Variants in GRM6 observed in about 807,000 individuals in gnomAD.
The protein encoded by GRM6 is glutamate metabotropic receptor 6, also known as metabotropic glutamate receptor 6.
Under a neutral mutation model 78.4 loss-of-function variants are expected in GRM6, and 73 were observed. The ratio of observed to expected loss-of-function variants is 0.93; its 90% CI spans 0.77 to 1.13. The LOEUF (loss-of-function observed/expected upper bound fraction) is 1.13, where lower values mean the gene tolerates loss of function less well. Among genes scored for constraint, GRM6 ranks in the 50% most tolerant of loss-of-function variants. The pLI is 0.00. For missense variants in GRM6, 1,251 were observed against 1,256.4 expected (o/e 1.00, Z 0.07); for synonymous variants, 580 against 555.0 (o/e 1.05, Z -0.63).
At chr5:178,985,905 G>A (rs1760530621) in intron 9 of GRM6, 1 of 580,222 alleles carries the variant, frequency 1.7e-6, no homozygotes, top group Non-Finnish European at 3.1e-6. Flanking sequence ...AGGACTACAG[G>A]CACGCACCAC....
At chr5:178,985,151 C>T (rs1310790019) in intron 9 of GRM6, 1 of 391,160 alleles carries the variant, frequency 2.6e-6, no homozygotes, top group Non-Finnish European at 5.1e-6. Flanking sequence ...CCCCAGGGAG[C>T]AGGGCAGCAG....
Position 178,979,458 on chromosome 5 carries a change from A to G in GRM6, c.*2199T>C, listed in dbSNP as rs10464072. 1.3e-5 allele frequency: 2 copies of G among 152,360 alleles called. No homozygotes were observed. The highest frequency in any genetic ancestry group is 3.9e-4 in the East Asian group (2 of 5,178). The allele number at this position is 152,360 out of a possible 1,614,324, so 9.4% of individuals were successfully genotyped here. On this transcript the variant is annotated 3_prime_UTR_variant, in exon 11 of 11. Transcript: ENST00000517717. ...GTGCATGCTGTGGAGATACCCTGCA[A>G]GTAGACCGAATGTGAGAAAGCCACA...
chr5:178,993,470 G>A (rs1037283490), intron 2 of GRM6, among the ~76,000 whole-genome samples: 17 of 152,212 alleles, frequency 1.1e-4, no homozygotes, highest in African/African-American at 4.1e-4. Flanking sequence ...AGGGATGGGG[G>A]CTTTCATGTG....
Position 178,986,436 on chromosome 5 carries a change from G to C in GRM6, c.1818C>G (p.Thr606=). 6.2e-7 allele frequency: 1 copy of C among 1,613,416 alleles called. No homozygotes were observed. Among genetic ancestry groups the C allele is most frequent in the Non-Finnish European group, 8.5e-7 (1 of 1,179,948 alleles). Residue 606 remains threonine (T), a synonymous_variant, in exon 9 of 11, where the codon ACC becomes ACG. Transcript: ENST00000517717. The part of the protein sequence containing the change: ...GIVATTTVVA[T]FVRYNNTPIV... ...TGGGCGTGTTGTTGTACCGCACGAA[G>C]GTGGCCACCACCGTGGTAGTGGCCA...
rs1330542088 is a variant in GRM6, at chr5:178,992,475, T to G, written c.505-392A>C. On this transcript the variant is annotated intron_variant, in intron 2 of 10. Coordinates refer to ENST00000517717, the MANE Select transcript of GRM6 (RefSeq NM_000843.4). The surrounding 1 kb of genome is among the most constrained non-coding windows in gnomAD (Gnocchi z 4.9). ...CCCAGGGCAAAGCACGTTTTCTTGA[T>G]TCACACCAAGGGGTGGTCCGCAGGG... 1 of 368,434 alleles carries G rather than the reference T, an allele frequency of 2.7e-6. No homozygotes were observed. The highest frequency in any genetic ancestry group is 5.4e-6 in the Non-Finnish European group (1 of 185,340). 22.8% of individuals were successfully genotyped at this position (368,434 alleles called of 1,614,324 possible). A position where few individuals can be genotyped will look rare whatever the true frequency, so the allele number is the denominator to read the frequency against.
At chr5:178,993,490 T>A (rs1760718006) in intron 2 of GRM6, among the ~76,000 whole-genome samples, 1 of 152,128 alleles carries the variant, frequency 6.6e-6, no homozygotes, top group Non-Finnish European at 1.5e-5. Context: ...GCGCAGACGA[T>A]AGGGAGCGGC....
chr5:178,994,936 C>A lies in GRM6; in HGVS notation c.9G>T (p.Arg3=). The A allele has an allele frequency of 8.5e-7, 1 of 1,182,786 alleles. No homozygotes were observed. The highest frequency in any genetic ancestry group is 1.0e-6 in the Non-Finnish European group (1 of 956,962). The allele number at this position is 1,182,786 out of a possible 1,614,324, so 73.3% of individuals were successfully genotyped here. The change falls in exon 2 of 11, where the codon CGG becomes CGT. Residue 3 remains arginine, a synonymous_variant. Coordinates refer to ENST00000517717, the MANE Select transcript of GRM6 (RefSeq NM_000843.4). ...GCAGCGGCTCCCGGGCTCTCCGGGG[C>A]CGCGCCATCGGCTCGTCTAGCGGGC... MA[R]PRRAREPLLV... is the part of the protein sequence containing the mutation.
chr5:178,983,052 C>A lies in GRM6; in HGVS notation c.2294G>T (p.Cys765Phe). The change falls in exon 10 of 11, where the codon TGC becomes TTC. Residue 765 changes from cysteine (C) to phenylalanine (F), a missense_variant. Coordinates refer to ENST00000517717, the MANE Select transcript of GRM6 (RefSeq NM_000843.4). ...LGYSLLLMVTCTVYAIKARGV... is the reference protein window; with the variant it reads ...LGYSLLLMVTFTVYAIKARGV... ...ACGGGCCTTGATGGCGTACACTGTG[C>A]ACGTGACCATGAGCAGGAGGCTGTA... 6.2e-7 allele frequency: 1 copy of A among 1,614,048 alleles called. No individual in the cohort carries two copies. The highest frequency in any genetic ancestry group is 8.5e-7 in the Non-Finnish European group (1 of 1,179,956).
rs201281508 is a variant in GRM6 at position 178,989,343 on chromosome 5, C to T, written c.1075G>A (p.Glu359Lys). ...ENNRRNIWFA[E>K]FWEENFNCKL... is the part of the protein sequence containing the mutation. The stretch of plus-strand genomic sequence containing the variant: ...CAGTTAAAATTCTCTTCCCAGAACT[C>T]GGCGAACCAGATGTTCCTGCGGTTG... Residue 359 changes from glutamate (E) to lysine (K), a missense_variant, in exon 6 of 11, where the codon GAG becomes AAG. By Grantham distance (56) the Glu-to-Lys change is moderately conservative. Coordinates refer to ENST00000517717, the MANE Select transcript of GRM6 (RefSeq NM_000843.4). 3.5e-5 allele frequency: 57 copies of T among 1,613,820 alleles called. No homozygotes were observed. The highest frequency in any genetic ancestry group is 1.6e-4 in the South Asian group (15 of 91,072).
intron 9 of GRM6, chr5:178,985,404 T>TAA (rs10716144): frequency 0.023 from 7,096 of 314,188 alleles, 195 homozygotes; most frequent in African/African-American, 0.096. Context: ...CCTGTGGCCT[T>TAA]AAAAAAAAAA....
At chr5:178,993,562 A>T (rs1760719305) in intron 2 of GRM6, among the ~76,000 whole-genome samples, 2 of 152,022 alleles carry the variant, frequency 1.3e-5, no homozygotes, top group Admixed American at 1.3e-4. Context: ...CTCAGGAAAC[A>T]GAAGTTCCTC....
At chr5:178,987,224 G>C (rs930857725) in intron 7 of GRM6, 5 of 660,034 alleles carry the variant, frequency 7.6e-6, no homozygotes, top group South Asian at 1.5e-5. Flanking sequence ...GTGCACGGTG[G>C]GTGGGAAAAG....
chr5:178,985,859 T>C (rs1029973570), intron 9 of GRM6: 2 of 548,762 alleles, frequency 3.6e-6, no homozygotes, highest in African/African-American at 3.8e-5. Flanking sequence ...ACTCTTGGGC[T>C]CAAGCGATCC....
At position 178,988,467 on chromosome 5, in the gene GRM6, A is replaced by C. The variant is rs1760607292; in HGVS notation, c.1354+468T>G. Reference sequence around the variant, plus strand: ...CCACTGGGGTCTCCTCAGAAGACACAGTTTTGAGCCCTGACCACACACCAA... The same window carrying C: ...CCACTGGGGTCTCCTCAGAAGACACCGTTTTGAGCCCTGACCACACACCAA... On this transcript the variant is annotated intron_variant, in intron 7 of 10. Coordinates refer to ENST00000517717, the MANE Select transcript of GRM6 (RefSeq NM_000843.4). The surrounding 1 kb of genome is among the most constrained non-coding windows in gnomAD (Gnocchi z 6.0). Among the ~76,000 whole-genome samples, 2 of 152,214 alleles carry C rather than the reference A, an allele frequency of 1.3e-5. No individual in the cohort carries two copies. The highest frequency in any genetic ancestry group is 1.3e-4 in the Admixed American group (2 of 15,280).
rs570156099 is a variant in GRM6, at chr5:178,993,460, A to C, written c.504+981T>G. On this transcript the variant is annotated intron_variant, in intron 2 of 10. Transcript: ENST00000517717. ...ATCAACACTGCCAATCCGAGGAAACAGGGATGGGGGCTTTCATGTGCGCAG... is the reference window on the plus strand; with the variant it reads ...ATCAACACTGCCAATCCGAGGAAACCGGGATGGGGGCTTTCATGTGCGCAG... 7.9e-5 allele frequency among the ~76,000 whole-genome samples: 12 copies of C among 152,278 alleles called. No individual in the cohort carries two copies. The South Asian group carries it at 2.5e-3, about 32-fold the overall frequency.
At position 178,982,974 on chromosome 5, in the gene GRM6, G is replaced by T. The variant is rs1364292320; in HGVS notation, c.2372C>A (p.Thr791Asn). 2.5e-6 allele frequency: 4 copies of T among 1,614,208 alleles called. No individual in the cohort carries two copies. The Admixed American group carries it at 5.0e-5, about 20-fold the overall frequency. ...EAKPIGFTMY[T>N]TCIIWLAFVP... is the part of the protein sequence containing the mutation. ...GAATGCCAGCCAGATGATGCAGGTG[G>T]TGTACATGGTGAAGCCGATGGGCTT... The change falls in exon 10 of 11, where the codon ACC (threonine) becomes AAC (asparagine). Residue 791 changes from threonine to asparagine, a missense_variant. By Grantham distance (65) the Thr-to-Asn change is moderately conservative. Transcript: ENST00000517717.
At chr5:178,987,042 G>T in intron 7 of GRM6, 59 bp from the exon 8 acceptor site, 1 of 1,558,688 alleles carries the variant, frequency 6.4e-7, no homozygotes. Context: ...TGGCCTCCTG[G>T]GGAGGCCCCA....
In GRM6 at chr5:178,994,895, G is replaced by T. The variant is rs1304039238; in HGVS notation, c.50C>A (p.Pro17Gln). The change falls in exon 2 of 11, where the codon CCG (proline) becomes CAG (glutamine). Residue 17 changes from proline to glutamine, a missense_variant. Physicochemically the swap from Pro to Gln is moderately conservative, Grantham distance 76. Transcript: ENST00000517717. ...GCCCGCCTGCGCCAGCCACGCCAGC[G>T]GCAGCAGCGCCACGAGCAGCGGCTC... ...AREPLLVALL[P>Q]LAWLAQAGLA... is the part of the protein sequence containing the mutation. 8.3e-7 allele frequency: 1 copy of T among 1,208,400 alleles called. No individual in the cohort carries two copies. The highest frequency in any genetic ancestry group is 3.1e-5 in the South Asian group (1 of 32,100). The allele number at this position is 1,208,400 out of a possible 1,614,324, so 74.9% of individuals were successfully genotyped here.
In GRM6 at chr5:178,978,699, C is replaced by CAT. The variant is rs1760333389; in HGVS notation, c.*2956_*2957dup. On this transcript the variant is annotated 3_prime_UTR_variant, in exon 11 of 11. Transcript: ENST00000517717. Reference sequence around the variant, plus strand: ...GGAATAAGCCTCCAACCCAGAACTCCATTTTCACTGGAACATATAATTCAT... The same window carrying CAT: ...GGAATAAGCCTCCAACCCAGAACTCCATATTTTCACTGGAACATATAATTCAT... 1 of 152,194 alleles carries CAT rather than the reference C, an allele frequency of 6.6e-6. No homozygotes were observed. The highest frequency in any genetic ancestry group is 1.5e-5 in the Non-Finnish European group (1 of 68,040). The allele number at this position is 152,194 out of a possible 1,614,324, so 9.4% of individuals were successfully genotyped here.
Sources: allele counts gnomAD v4.1 joint callset (sites outside exome capture counted in the v4.1 genomes callset), GRCh38; gene constraint gnomAD v4.1.1; non-coding constraint Gnocchi (gnomAD v3.1); transcripts MANE v1.5; gene names NCBI Gene and HGNC (gene_info 2026-07-23, HGNC 2026-07-21).